Variants in ABI3BP observed in about 807,000 individuals in gnomAD.
ABI3BP encodes target of Nesh-SH3.
ABI3BP carries 216 observed loss-of-function variants against 268.6 expected under a neutral mutation model. The ratio of observed to expected loss-of-function variants is 0.80; its 90% CI spans 0.72 to 0.90. The LOEUF is 0.90. ABI3BP is among the 40% of genes least tolerant of loss of function. The probability of loss-of-function intolerance (pLI) is 0.00; values close to 1 mark genes in which losing one functional copy is unlikely to be tolerated. For missense variants in ABI3BP, 2,090 were observed against 2,182.4 expected, an observed-to-expected ratio of 0.96 and a Z score of 0.84; for synonymous variants, 730 against 730.0, an observed-to-expected ratio of 1.00 and a Z score of 0.00.
In ABI3BP at chr3:100,749,427, T is replaced by TAAGTA. The variant is rs1029362291; in HGVS notation, c.*1063_*1067dup. The TAAGTA allele has an allele frequency of 3.4e-5, 13 of 387,352 alleles. No individual in the cohort carries two copies. Among genetic ancestry groups the TAAGTA allele is most frequent in the African/African-American group, 1.2e-4 (6 of 48,390 alleles). 24.0% of individuals were successfully genotyped at this position (387,352 alleles called of 1,614,324 possible). The stretch of plus-strand genomic sequence containing the variant: ...GATAAGATTGAAGCATGTTGAAAGG[T>TAAGTA]AAGTACAGGGAAAGGTCCTTTCAGA... On this transcript the variant is annotated 3_prime_UTR_variant, in exon 68 of 68. Coordinates refer to ENST00000471714, the MANE Select transcript of ABI3BP (RefSeq NM_001375547.2).
chr3:100,782,583 G>A (rs1435471328), intron 57 of ABI3BP, among the ~76,000 whole-genome samples: 1 of 151,754 alleles, frequency 6.6e-6, no homozygotes, highest in African/African-American at 2.4e-5. Context: ...TCTGGGGGCA[G>A]GAGACTGAGC....
At chr3:100,941,421 A>G (rs2713765) in intron 1 of ABI3BP, among the ~76,000 whole-genome samples, 152,171 of 152,232 alleles carry the variant, frequency 1, 76,055 homozygotes, top group Middle Eastern at 1. Context: ...GGACATTTTC[A>G]TCACCAAATA....
At chr3:100,816,109 G>A (rs2098034358) in intron 43 of ABI3BP, 138 bp from the exon 44 acceptor site, 1 of 641,108 alleles carries the variant, frequency 1.6e-6, no homozygotes, top group Admixed American at 3.4e-5. Context: ...GCATATAGTT[G>A]CTTTTGGAAG....
intron 14 of ABI3BP, 28 bp downstream of exon 14, chr3:100,862,283 G>A (rs753946402): frequency 3.2e-5 from 48 of 1,482,770 alleles, no homozygotes; most frequent in African/African-American, 4.5e-5. Context: ...TGTTATAATC[G>A]ATTTTTTTAA....
intron 10 of ABI3BP, 105 bp from the exon 11 acceptor site, chr3:100,865,012 T>C: frequency 2.4e-6 from 2 of 845,066 alleles, no homozygotes; most frequent in South Asian, 1.6e-5. Context: ...GATATTTGTA[T>C]AGCCCATTTC....
At position 100,749,452 on chromosome 3, in the gene ABI3BP, A is replaced by C; in HGVS notation, c.*1043T>G. 2.5e-6 allele frequency: 1 copy of C among 393,018 alleles called. No homozygotes were observed. Among genetic ancestry groups the C allele is most frequent in the Non-Finnish European group, 4.5e-6 (1 of 222,512 alleles). 24.3% of individuals were successfully genotyped at this position (393,018 alleles called of 1,614,324 possible). A position where few individuals can be genotyped will look rare whatever the true frequency, so the allele number is the denominator to read the frequency against. ...TAAGTACAGGGAAAGGTCCTTTCAG[A>C]ATGACTGCAACAGTGCAGCAAGGAT... On this transcript the variant is annotated 3_prime_UTR_variant, in exon 68 of 68. Transcript: ENST00000471714.
At chr3:100,863,808 T>A (rs1351909261) in intron 12 of ABI3BP, 194 bp downstream of exon 12, 4 of 547,398 alleles carry the variant, frequency 7.3e-6, no homozygotes, top group Non-Finnish European at 1.3e-5. Context: ...TATTAAAATA[T>A]GACCACTTAA....
At chr3:100,962,931 C>T (rs1031575702) in intron 1 of ABI3BP, among the ~76,000 whole-genome samples, 4 of 152,118 alleles carry the variant, frequency 2.6e-5, no homozygotes, top group African/African-American at 7.2e-5. Context: ...TACTCAGCAC[C>T]GTTCACTAAG....
At chr3:100,794,360 G>C (rs140476821) in intron 54 of ABI3BP, among the ~76,000 whole-genome samples, 386 of 151,892 alleles carry the variant, frequency 2.5e-3, no homozygotes, top group Non-Finnish European at 4.3e-3. Context: ...ACAAGTAATA[G>C]AACTTACTTC....
intron 12 of ABI3BP, chr3:100,863,638 CAGA>C (rs781130398): frequency 2.1e-5 from 4 of 194,254 alleles, no homozygotes; most frequent in East Asian, 2.6e-4. Flanking sequence ...ATACTTCACT[CAGA>C]AGAATTCTAA....
intron 63 of ABI3BP, among the ~76,000 whole-genome samples, chr3:100,758,097 AAAAC>A (rs528164485): frequency 2.6e-4 from 40 of 150,946 alleles, no homozygotes; most frequent in Admixed American, 4.6e-4. Context: ...ATCCCCTCCA[AAAAC>A]AAACAAACAA....
chr3:100,750,346 C>A lies in ABI3BP; in HGVS notation c.*149G>T, dbSNP rs1479645420. The A allele has an allele frequency of 3.7e-6, 2 of 541,016 alleles. No individual in the cohort carries two copies. The highest frequency in any genetic ancestry group is 3.1e-5 in the South Asian group (1 of 31,816). The allele number at this position is 541,016 out of a possible 1,614,324, so 33.5% of individuals were successfully genotyped here. On this transcript the variant is annotated 3_prime_UTR_variant, in exon 68 of 68. Coordinates refer to ENST00000471714, the MANE Select transcript of ABI3BP (RefSeq NM_001375547.2). ...AAACCTGATAAATACTCTCAGCAATCTTTTCTAATAATAAACATCTAGTAT... is the reference window on the plus strand; with the variant it reads ...AAACCTGATAAATACTCTCAGCAATATTTTCTAATAATAAACATCTAGTAT...
intron 38 of ABI3BP, 69 bp downstream of exon 38, chr3:100,822,520 T>A (rs2098260901): frequency 7.1e-7 from 1 of 1,414,054 alleles, no homozygotes; most frequent in East Asian, 2.5e-5. Context: ...TCCCAACCAC[T>A]GGGATTACTC....
At chr3:100,911,220 T>C in intron 2 of ABI3BP, 1 of 372,800 alleles carries the variant, frequency 2.7e-6, no homozygotes, top group Non-Finnish European at 5.1e-6. Context: ...GTTCTACCAT[T>C]AAGGTCAGTT....
At chr3:100,839,688 C>T in intron 23 of ABI3BP, 72 bp from the exon 24 acceptor site, 1 of 1,416,148 alleles carries the variant, frequency 7.1e-7, no homozygotes, top group Admixed American at 2.0e-5. Flanking sequence ...CATTATGCCT[C>T]AAGCTGGGAC....
At chr3:100,799,603 A>G (rs1308747040) in intron 51 of ABI3BP, among the ~76,000 whole-genome samples, 1 of 152,080 alleles carries the variant, frequency 6.6e-6, no homozygotes, top group African/African-American at 2.4e-5. Flanking sequence ...TGCCACTGCA[A>G]TGCCATTGCC....
In ABI3BP at chr3:100,810,922, A is replaced by G. The variant is rs561116377; in HGVS notation, c.3541+308T>C. On this transcript the variant is annotated intron_variant, in intron 48 of 67. Coordinates refer to ENST00000471714, the MANE Select transcript of ABI3BP (RefSeq NM_001375547.2). ...AAATGGATCATCGCACCAAAAAAGC[A>G]TTATCTGAAACATTCAACACAATGC... is the stretch of plus-strand genomic sequence containing the variant. Among the ~76,000 whole-genome samples the G allele has an allele frequency of 8.5e-5, 13 of 152,306 alleles. No individual in the cohort carries two copies. The South Asian group carries it at 2.7e-3, about 32-fold the overall frequency.
chr3:100,907,892 G>A (rs560123199), intron 2 of ABI3BP, among the ~76,000 whole-genome samples: 8 of 152,234 alleles, frequency 5.3e-5, no homozygotes, highest in African/African-American at 1.9e-4. Context: ...TAGGCGGGCA[G>A]ATCATGAGGT....
In ABI3BP at chr3:100,751,617, A is replaced by G. The variant is rs375024611; in HGVS notation, c.5180T>C (p.Val1727Ala). The change falls in exon 67 of 68, where the codon GTG becomes GCG. Residue 1727 changes from valine to alanine, a missense_variant. By Grantham distance (64) the Val-to-Ala change is moderately conservative. Coordinates refer to ENST00000471714, the MANE Select transcript of ABI3BP (RefSeq NM_001375547.2). ...AGTGCGTCCATCTAAAAATGAATCC[A>G]CAAACTGGCAGTGATCTTCTCCATG... ...RGHGEDHCQF[V>A]DSFLDGRTGQ... 80 of 1,602,772 alleles carry G rather than the reference A, an allele frequency of 5.0e-5. No individual in the cohort carries two copies. Among genetic ancestry groups the G allele is most frequent in the Non-Finnish European group, 6.6e-5 (77 of 1,173,846 alleles).
Sources: allele counts gnomAD v4.1 joint callset (sites outside exome capture counted in the v4.1 genomes callset), GRCh38; gene constraint gnomAD v4.1.1; transcripts MANE v1.5; gene names NCBI Gene and HGNC (gene_info 2026-07-23, HGNC 2026-07-21).